FRMD3: variants seen among roughly 807,000 people sequenced by gnomAD.
FRMD3 encodes FERM domain containing 3, also known as FERM domain-containing protein 3.
FRMD3 carries 33 observed loss-of-function variants against 70.2 expected under a neutral mutation model. The ratio of observed to expected loss-of-function variants is 0.47; its 90% CI spans 0.36 to 0.63. The LOEUF is 0.63. FRMD3 is among the 20% of genes least tolerant of loss of function. The pLI is 0.00. For synonymous variants in FRMD3, 279 were observed against 255.9 expected (o/e 1.09, Z -0.86); for missense variants, 632 against 711.4 (o/e 0.89, Z 1.27).
chr9:83,297,532 T>C lies in FRMD3; in HGVS notation c.1070+1216A>G, dbSNP rs558915568. 2.2e-4 allele frequency: 68 copies of C among 305,492 alleles called. No homozygotes were observed. The Middle Eastern group carries it at 4.5e-3, about 20-fold the overall frequency. 18.9% of individuals were successfully genotyped at this position (305,492 alleles called of 1,614,324 possible). On this transcript the variant is annotated intron_variant, in intron 12 of 13. Coordinates refer to ENST00000304195, the MANE Select transcript of FRMD3 (RefSeq NM_174938.6). The stretch of plus-strand genomic sequence containing the variant: ...CCTGAGGTCATTTCCAGTTCAAAGA[T>C]TCTGAAACAGATGAATGATATGTTT...
At chr9:83,312,118 A>G in intron 7 of FRMD3, 143 bp from the exon 8 acceptor site, 1 of 653,730 alleles carries the variant, frequency 1.5e-6, no homozygotes, top group South Asian at 2.1e-5. Context: ...TAAGTTTCTG[A>G]GATGGAACTT....
intron 1 of FRMD3, among the ~76,000 whole-genome samples, chr9:83,479,339 GGAA>G (rs1285197738): frequency 1.4e-5 from 1 of 70,466 alleles, no homozygotes; most frequent in Non-Finnish European, 2.7e-5. Flanking sequence ...GGGAAGAAGA[GGAA>G]GAAGGAGGAG....
intron 10 of FRMD3, among the ~76,000 whole-genome samples, chr9:83,303,891 C>T (rs1023889748): frequency 1.3e-5 from 2 of 152,336 alleles, no homozygotes; most frequent in East Asian, 1.9e-4. Flanking sequence ...CAGTCACTCC[C>T]TGATTCCCCT....
At chr9:83,337,788 C>T (rs1439448787) in intron 5 of FRMD3, among the ~76,000 whole-genome samples, 1 of 152,182 alleles carries the variant, frequency 6.6e-6, no homozygotes, top group African/African-American at 2.4e-5. Context: ...CTCTTTAAAG[C>T]TTCTGGACAA....
At chr9:83,439,474 T>G (rs72745088) in intron 1 of FRMD3, among the ~76,000 whole-genome samples, 10,296 of 152,284 alleles carry the variant, frequency 0.068, 400 homozygotes, top group East Asian at 0.16. Flanking sequence ...TACAGCCAAC[T>G]GGATGGTTAC....
Position 83,317,193 on chromosome 9 carries a change from TACACAC to T in FRMD3, c.597-3452_597-3447del, listed in dbSNP as rs71823603. Among the ~76,000 whole-genome samples the T allele has an allele frequency of 4.2e-3, 603 of 145,106 alleles. 1 individual carries two copies. Among genetic ancestry groups the T allele is most frequent in the South Asian group, 0.012 (52 of 4,402 alleles). On this transcript the variant is annotated intron_variant, in intron 6 of 13. Coordinates refer to ENST00000304195, the MANE Select transcript of FRMD3 (RefSeq NM_174938.6). ...ATATTATTGAGCCGTCTCTCATGCA[TACACAC>T]ACACACACACACACACACACACACA...
chr9:83,283,170 AGCTGTTCTTG>A (rs567683904), intron 13 of FRMD3, among the ~76,000 whole-genome samples: 124 of 152,324 alleles, frequency 8.1e-4, no homozygotes, highest in African/African-American at 2.8e-3. Context: ...TATGTTCTCA[AGCTGTTCTTG>A]GCATCTCCTA....
intron 2 of FRMD3, 112 bp from the exon 3 acceptor site, chr9:83,373,067 C>T (rs1035942056): frequency 9.4e-6 from 8 of 854,746 alleles, no homozygotes; most frequent in Admixed American, 2.0e-5. Context: ...TCCATAGATA[C>T]TCTCCAGAAT....
At chr9:83,430,519 C>A (rs1384682149) in intron 1 of FRMD3, among the ~76,000 whole-genome samples, 3 of 152,172 alleles carry the variant, frequency 2.0e-5, no homozygotes, top group Non-Finnish European at 4.4e-5. Context: ...GCTGGCAGAT[C>A]ATAAGTCTCT....
intron 1 of FRMD3, among the ~76,000 whole-genome samples, chr9:83,482,735 C>T (rs909831264): frequency 4.6e-5 from 7 of 152,078 alleles, no homozygotes; most frequent in Admixed American, 4.6e-4. Flanking sequence ...GAGATGATGG[C>T]AATTCAACCA....
In FRMD3 at chr9:83,538,042, C is replaced by T. The variant is rs762323415; in HGVS notation, c.147+43G>A. The T allele has an allele frequency of 1.9e-5, 30 of 1,603,488 alleles. No individual in the cohort carries two copies. The Admixed American group carries it at 2.7e-4, about 14-fold the overall frequency. On this transcript the variant is annotated intron_variant, in intron 1 of 13. Transcript: ENST00000304195. The surrounding 1 kb of genome is among the most constrained non-coding windows in gnomAD (Gnocchi z 4.7). ...CCCACCGCAAAGGCCCCCCGCCCTGCTCCCGGCGTGTGCCCCGCGCCCTCG... is the reference window on the plus strand; with the variant it reads ...CCCACCGCAAAGGCCCCCCGCCCTGTTCCCGGCGTGTGCCCCGCGCCCTCG...
At chr9:83,356,841 C>T (rs1420686210) in intron 3 of FRMD3, among the ~76,000 whole-genome samples, 1 of 151,782 alleles carries the variant, frequency 6.6e-6, no homozygotes, top group Non-Finnish European at 1.5e-5. Context: ...GCACCCATCA[C>T]CCAAGTGGTA....
intron 1 of FRMD3, among the ~76,000 whole-genome samples, chr9:83,521,604 G>A (rs1232376296): frequency 6.6e-6 from 1 of 152,194 alleles, no homozygotes; most frequent in African/African-American, 2.4e-5. Flanking sequence ...GCCCAAGTGT[G>A]AGCCAAGCTA....
intron 1 of FRMD3, among the ~76,000 whole-genome samples, chr9:83,473,321 C>T (rs1828315007): frequency 6.6e-6 from 1 of 152,142 alleles, no homozygotes; most frequent in Non-Finnish European, 1.5e-5. Context: ...CAAGAACTCC[C>T]AATACTTAGG....
the FRMD3 span, among the ~76,000 whole-genome samples, chr9:83,561,581 G>A: frequency 5.9e-5 from 9 of 152,300 alleles, no homozygotes; most frequent in East Asian, 1.7e-3. Context: ...TCTACATGAT[G>A]ATCACATGTC....
intron 1 of FRMD3, among the ~76,000 whole-genome samples, chr9:83,456,816 C>A (rs1827830886): frequency 1.3e-5 from 2 of 151,942 alleles, no homozygotes; most frequent in Non-Finnish European, 2.9e-5. Flanking sequence ...CCTGTCTCTA[C>A]AAAAAATACA....
rs939091466 is a variant in FRMD3, at chr9:83,385,189, A to G, written c.252+4415T>C. On this transcript the variant is annotated intron_variant, in intron 2 of 13. Coordinates refer to ENST00000304195, the MANE Select transcript of FRMD3 (RefSeq NM_174938.6). ...TGGTAAAAAGAATATACTGGAGTAA[A>G]AAAAAAAAAATCTAAACTTAAGCCA... 3.3e-5 allele frequency among the ~76,000 whole-genome samples: 5 copies of G among 150,202 alleles called. No homozygotes were observed. In the South Asian group the frequency reaches 8.4e-4, roughly 25 times the overall value.
intron 2 of FRMD3, among the ~76,000 whole-genome samples, chr9:83,381,557 A>G (rs1825356353): frequency 1.3e-5 from 2 of 152,104 alleles, no homozygotes; most frequent in African/African-American, 4.8e-5. Flanking sequence ...AAAAAAAAGA[A>G]AAGAAAGAAA....
the FRMD3 span, among the ~76,000 whole-genome samples, chr9:83,548,148 GA>G: frequency 6.6e-6 from 1 of 152,194 alleles, no homozygotes; most frequent in East Asian, 1.9e-4. Context: ...CAGCCACTTT[GA>G]AAGACAGTTT....
Sources: allele counts gnomAD v4.1 joint callset (sites outside exome capture counted in the v4.1 genomes callset), GRCh38; gene constraint gnomAD v4.1.1; non-coding constraint Gnocchi (gnomAD v3.1); transcripts MANE v1.5; gene names NCBI Gene and HGNC (gene_info 2026-07-23, HGNC 2026-07-21).